LGSN: variants seen among roughly 807,000 people sequenced by gnomAD.
LGSN encodes lengsin, lens protein with glutamine synthetase domain.
Under a neutral mutation model 19.5 loss-of-function variants are expected in LGSN, and 21 were observed. That is an observed-to-expected ratio of 1.07 (90% confidence interval 0.76 to 1.55). LGSN has a LOEUF of 1.55. Ranked by LOEUF, LGSN falls within the 40% of genes most tolerant of loss-of-function variation. LGSN has a pLI of 0.00. For synonymous variants in LGSN, 257 were observed against 215.6 expected (o/e 1.19, Z -1.68); for missense variants, 673 against 608.5 (o/e 1.11, Z -1.12).
At chr6:63,439,652 G>A in the LGSN span, among the ~76,000 whole-genome samples, 1 of 152,006 alleles carries the variant, frequency 6.6e-6, no homozygotes, top group Non-Finnish European at 1.5e-5. Flanking sequence ...AACCACTCTT[G>A]TCCTCCACCT....
the LGSN span, among the ~76,000 whole-genome samples, chr6:63,437,739 A>T: frequency 0.47 from 71,089 of 151,546 alleles, 17,772 homozygotes; most frequent in Non-Finnish European, 0.53. Flanking sequence ...AGACCAGCCT[A>T]GCCAACATAG....
intron 3 of LGSN, among the ~76,000 whole-genome samples, chr6:63,281,946 C>T (rs1329957280): frequency 6.6e-6 from 1 of 152,204 alleles, no homozygotes; most frequent in Non-Finnish European, 1.5e-5. Flanking sequence ...GTCAACAGAT[C>T]TGCCTTCTCA....
the LGSN span, among the ~76,000 whole-genome samples, chr6:63,358,351 T>A: frequency 6.6e-6 from 1 of 152,242 alleles, no homozygotes; most frequent in Non-Finnish European, 1.5e-5. Context: ...TTAAAGTAGT[T>A]TTTCCAATTC....
the LGSN span, among the ~76,000 whole-genome samples, chr6:63,325,956 C>T: frequency 1.3e-5 from 2 of 152,166 alleles, no homozygotes; most frequent in African/African-American, 2.4e-5. Context: ...TATCTGGCCC[C>T]ACCCACATCC....
chr6:63,486,379 A>C, the LGSN span, among the ~76,000 whole-genome samples: 1 of 152,216 alleles, frequency 6.6e-6, no homozygotes, highest in African/African-American at 2.4e-5. Flanking sequence ...AACAGCAGTC[A>C]CACGACAGCT....
At chr6:63,403,529 A>G in the LGSN span, among the ~76,000 whole-genome samples, 1 of 152,216 alleles carries the variant, frequency 6.6e-6, no homozygotes, top group African/African-American at 2.4e-5. Context: ...AAGAAAATAA[A>G]GATCAAAACA....
the LGSN span, among the ~76,000 whole-genome samples, chr6:63,376,568 C>T: frequency 6.6e-6 from 1 of 152,302 alleles, no homozygotes; most frequent in African/African-American, 2.4e-5. Flanking sequence ...AATGGATACA[C>T]TCAGCCTTTT....
the LGSN span, among the ~76,000 whole-genome samples, chr6:63,411,316 G>A: frequency 6.6e-6 from 1 of 152,308 alleles, no homozygotes; most frequent in Admixed American, 6.5e-5. Flanking sequence ...ATCAAGTAAA[G>A]GGGATAGCAG....
intron 1 of LGSN, among the ~76,000 whole-genome samples, chr6:63,313,600 C>T (rs1299076304): frequency 1.3e-5 from 2 of 151,992 alleles, no homozygotes; most frequent in Non-Finnish European, 2.9e-5. Context: ...TTTGGGAGGC[C>T]AAGGTGGGCA....
the LGSN span, among the ~76,000 whole-genome samples, chr6:63,402,745 T>C: frequency 1.3e-5 from 2 of 152,166 alleles, no homozygotes; most frequent in African/African-American, 2.4e-5. Flanking sequence ...AGTACCCAGA[T>C]GTTTGGGCAA....
the LGSN span, among the ~76,000 whole-genome samples, chr6:63,404,733 C>CT: frequency 6.6e-6 from 1 of 152,026 alleles, no homozygotes; most frequent in East Asian, 1.9e-4. Context: ...TTTCAACTAA[C>CT]TTTTATGGGG....
At chr6:63,362,723 C>A in the LGSN span, among the ~76,000 whole-genome samples, 1 of 152,090 alleles carries the variant, frequency 6.6e-6, no homozygotes, top group Non-Finnish European at 1.5e-5. Flanking sequence ...TGGAGCCCAC[C>A]GCAGTTCAAG....
chr6:63,306,052 G>C (rs1250352178), intron 1 of LGSN, among the ~76,000 whole-genome samples: 4 of 151,666 alleles, frequency 2.6e-5, no homozygotes, highest in African/African-American at 9.7e-5. Flanking sequence ...GGGCAACAGA[G>C]TGAGACTCTG....
chr6:63,487,362 G>A, the LGSN span, among the ~76,000 whole-genome samples: 35 of 152,154 alleles, frequency 2.3e-4, no homozygotes, highest in African/African-American at 8.4e-4. Context: ...AGGAGGGAGG[G>A]AAACTAGATT....
At chr6:63,453,935 C>A in the LGSN span, among the ~76,000 whole-genome samples, 1 of 152,144 alleles carries the variant, frequency 6.6e-6, no homozygotes, top group Non-Finnish European at 1.5e-5. Flanking sequence ...GGATTACAGG[C>A]GTGAGCCACC....
At chr6:63,461,508 A>T in the LGSN span, among the ~76,000 whole-genome samples, 1 of 152,198 alleles carries the variant, frequency 6.6e-6, no homozygotes, top group African/African-American at 2.4e-5. Flanking sequence ...AACATTGTGA[A>T]CTTTTTCTTC....
chr6:63,353,588 CAAAAAAAAAAAAA>C, the LGSN span, among the ~76,000 whole-genome samples: 817 of 74,176 alleles, frequency 0.011, 9 homozygotes, highest in Middle Eastern at 0.032. Flanking sequence ...CAGTTTGTAG[CAAAAAAAAAAAAA>C]AAAAAAGAAA....
chr6:63,289,784 T>C (rs1036346408), intron 2 of LGSN, among the ~76,000 whole-genome samples: 4 of 152,104 alleles, frequency 2.6e-5, no homozygotes, highest in Non-Finnish European at 5.9e-5. Context: ...CTTTCAGAAA[T>C]ACCAATTCAA....
intron 1 of LGSN, among the ~76,000 whole-genome samples, chr6:63,308,937 ATTAATTAC>A (rs1267054841): frequency 6.6e-6 from 1 of 152,254 alleles, no homozygotes; most frequent in African/African-American, 2.4e-5. Flanking sequence ...ACAAACTTGT[ATTAATTAC>A]TTTAAAAATA....
Sources: gnomAD v4.1 joint callset for allele counts (sites outside exome capture counted in the v4.1 genomes callset) on GRCh38, gnomAD v4.1.1 for gene constraint, MANE v1.5 for transcripts, NCBI Gene and HGNC (gene_info 2026-07-23, HGNC 2026-07-21) for gene names.